CLDN16: variants seen among roughly 807,000 people sequenced by gnomAD.
CLDN16 encodes claudin 16, also known as claudin-16.
A neutral mutation model predicts 24.6 loss-of-function variants in CLDN16; 13 were observed. That is an observed-to-expected ratio of 0.53 (90% confidence interval 0.34 to 0.84). The LOEUF is 0.84. CLDN16 is among the 40% of genes least tolerant of loss of function. CLDN16 has a pLI of 0.01. For missense variants in CLDN16, 298 were observed against 292.7 expected, an observed-to-expected ratio of 1.02 and a Z score of -0.13; for synonymous variants, 116 against 106.7, an observed-to-expected ratio of 1.09 and a Z score of -0.54.
intron 3 of CLDN16, among the ~76,000 whole-genome samples, chr3:190,378,097 C>G (rs1203986121): frequency 6.6e-6 from 1 of 152,004 alleles, no homozygotes; most frequent in African/African-American, 2.4e-5. Context: ...TAAGTTACCA[C>G]CCCAATCATC....
the CLDN16 span, among the ~76,000 whole-genome samples, chr3:190,297,004 A>C: frequency 0.035 from 5,366 of 152,110 alleles, 306 homozygotes; most frequent in African/African-American, 0.12. Context: ...TTTTACAACA[A>C]AGTAGCCCTG....
chr3:190,382,499 T>C (rs1043177712), intron 3 of CLDN16, among the ~76,000 whole-genome samples: 2 of 152,108 alleles, frequency 1.3e-5, no homozygotes, highest in Non-Finnish European at 2.9e-5. Context: ...ATGTCAATTA[T>C]TCCCATCATG....
chr3:190,407,429 AC>A (rs774165121), intron 3 of CLDN16, among the ~76,000 whole-genome samples: 67 of 152,298 alleles, frequency 4.4e-4, no homozygotes, highest in African/African-American at 1.6e-3. Context: ...ACTCAAGCAG[AC>A]TTAGACAACA....
At chr3:190,340,893 C>A (rs2108629227) in intron 1 of CLDN16, among the ~76,000 whole-genome samples, 1 of 152,276 alleles carries the variant, frequency 6.6e-6, no homozygotes, top group Admixed American at 6.5e-5. Context: ...GTTACAGGCC[C>A]CATGCAAGTC....
At chr3:190,318,060 TCTTTTA>T (rs1268820343), upstream of CLDN16, among the ~76,000 whole-genome samples, 1 of 152,196 alleles carries the variant, frequency 6.6e-6, no homozygotes, top group Non-Finnish European at 1.5e-5. Context: ...CCATATTAAA[TCTTTTA>T]CTTTTACGGA....
At chr3:190,306,939 T>G in the CLDN16 span, 1 of 152,584 alleles carries the variant, frequency 6.6e-6, no homozygotes, top group African/African-American at 2.4e-5. Context: ...GGAAATAGAC[T>G]GGTAGAGAGA....
chr3:190,319,625 A>G (rs3774019), upstream of CLDN16, among the ~76,000 whole-genome samples: 44,256 of 152,106 alleles, frequency 0.29, 6,716 homozygotes, highest in East Asian at 0.57. Context: ...CGGGAAGACA[A>G]GTGTGCTCTA....
chr3:190,402,681 T>C (rs558079402), intron 2 of CLDN16, among the ~76,000 whole-genome samples: 1 of 152,308 alleles, frequency 6.6e-6, no homozygotes, highest in African/African-American at 2.4e-5. Flanking sequence ...TAATCTCTGC[T>C]GTCCCTCAGA....
At chr3:190,312,915 C>G in the CLDN16 span, 1 of 1,614,084 alleles carries the variant, frequency 6.2e-7, no homozygotes, top group African/African-American at 1.3e-5. Context: ...CCATCCTCAT[C>G]TTCTGCACCT....
intron 1 of CLDN16, among the ~76,000 whole-genome samples, chr3:190,367,464 T>G (rs1277631449): frequency 6.6e-6 from 1 of 151,890 alleles, no homozygotes; most frequent in Non-Finnish European, 1.5e-5. Context: ...CAGGGTGAAT[T>G]TCTTCAGCGG....
chr3:190,362,884 T>C (rs1329817350), intron 1 of CLDN16, among the ~76,000 whole-genome samples: 1 of 151,610 alleles, frequency 6.6e-6, no homozygotes, highest in Non-Finnish European at 1.5e-5. Context: ...TTCCTTTGTC[T>C]GTGGGCTCTT....
intron 1 of CLDN16, among the ~76,000 whole-genome samples, chr3:190,336,636 A>G (rs1172222759): frequency 6.6e-6 from 1 of 152,196 alleles, no homozygotes; most frequent in Admixed American, 6.5e-5. Flanking sequence ...AACAGATCCT[A>G]TAGTTGCATA....
Position 190,403,482 on chromosome 3 carries a change from G to A in CLDN16, c.217+1043G>A, listed in dbSNP as rs577834269. ...TTATTTGTTTATTTATAAGAACATC[G>A]AACCCTGCTAAGAAACATCTGTTCT... On this transcript the variant is annotated intron_variant, in intron 2 of 4. Transcript: ENST00000264734. Among the ~76,000 whole-genome samples the A allele has an allele frequency of 6.6e-5, 10 of 152,080 alleles. No individual in the cohort carries two copies. In the South Asian group the frequency reaches 1.2e-3, roughly 19 times the overall value.
At chr3:190,302,380 A>G in the CLDN16 span, among the ~76,000 whole-genome samples, 1 of 152,300 alleles carries the variant, frequency 6.6e-6, no homozygotes, top group East Asian at 1.9e-4. Context: ...GAAGAAAGGA[A>G]TTTTTGTCTA....
intron 3 of CLDN16, among the ~76,000 whole-genome samples, chr3:190,381,767 T>C (rs1208076733): frequency 6.6e-6 from 1 of 152,096 alleles, no homozygotes; most frequent in Non-Finnish European, 1.5e-5. Flanking sequence ...AAGGTTGGCA[T>C]GAGTGCAGTG....
the CLDN16 span, chr3:190,308,401 G>C: frequency 1.1e-4 from 171 of 1,613,694 alleles, 2 homozygotes; most frequent in South Asian, 1.3e-3. Context: ...GAGAGAAGCA[G>C]CAGCCCAGCC....
At chr3:190,321,956 G>A (rs1252851086), upstream of CLDN16, 1 of 1,594,350 alleles carries the variant, frequency 6.3e-7, no homozygotes, top group Non-Finnish European at 8.6e-7. Flanking sequence ...GCCTCTGGAC[G>A]GCCGCTGTGA....
At chr3:190,370,867 C>T (rs1039421172) in intron 1 of CLDN16, 18 of 151,610 alleles carry the variant, frequency 1.2e-4, no homozygotes, top group African/African-American at 4.4e-4. Flanking sequence ...CTTATTCTCC[C>T]AGCCTACATC....
At chr3:190,394,373 A>G (rs1184914291) in intron 1 of CLDN16, among the ~76,000 whole-genome samples, 1 of 152,188 alleles carries the variant, frequency 6.6e-6, no homozygotes, top group East Asian at 1.9e-4. Context: ...TATGATTAAA[A>G]TTTTATTACC....
Sources: allele counts gnomAD v4.1 joint callset (sites outside exome capture counted in the v4.1 genomes callset), GRCh38; gene constraint gnomAD v4.1.1; transcripts MANE v1.5; gene names NCBI Gene and HGNC (gene_info 2026-07-23, HGNC 2026-07-21).